Variants in ITPK1 observed in about 807,000 individuals in gnomAD.
ITPK1 encodes the protein inositol 1,3,4-trisphosphate 5/6-kinase.
Under a neutral mutation model 45.3 loss-of-function variants are expected in ITPK1, and 21 were observed. That is an observed-to-expected ratio of 0.46 (90% CI 0.33 to 0.67). The LOEUF (loss-of-function observed/expected upper bound fraction) is 0.67, where lower values mean the gene tolerates loss of function less well. Ranked by LOEUF, ITPK1 falls within the 30% of genes least tolerant of loss-of-function variation. The pLI, the probability that ITPK1 is intolerant of heterozygous loss-of-function variation, is 0.02. For missense variants in ITPK1, 474 were observed against 573.5 expected, an observed-to-expected ratio of 0.83 and a Z score of 1.77; for synonymous variants, 258 against 253.6, an observed-to-expected ratio of 1.02 and a Z score of -0.16.
intron 3 of ITPK1, among the ~76,000 whole-genome samples, chr14:93,066,522 A>G (rs978382055): frequency 1.3e-5 from 2 of 149,516 alleles, no homozygotes; most frequent in Non-Finnish European, 2.9e-5. Context: ...CTCCTGCCTC[A>G]GCCTCCTGAG....
intron 4 of ITPK1, among the ~76,000 whole-genome samples, chr14:92,999,843 C>A (rs372896543): frequency 6.6e-6 from 1 of 152,240 alleles, no homozygotes; most frequent in South Asian, 2.1e-4. Context: ...GGTTGTGCAA[C>A]GATCAGCTCA....
chr14:93,112,727 G>T (rs188462989), intron 2 of ITPK1, among the ~76,000 whole-genome samples: 1 of 152,040 alleles, frequency 6.6e-6, no homozygotes, highest in Admixed American at 6.6e-5. Flanking sequence ...CAGAAGACAC[G>T]GCACCCGGCC....
At chr14:92,990,340 T>C (rs1053858868) in intron 5 of ITPK1, among the ~76,000 whole-genome samples, 4 of 152,038 alleles carry the variant, frequency 2.6e-5, no homozygotes, top group African/African-American at 9.7e-5. Flanking sequence ...AATACAGCCA[T>C]CACCCAGGAC....
chr14:93,115,294 G>C lies in ITPK1; in HGVS notation c.-131C>G, dbSNP rs1435967469. The C allele has an allele frequency of 3.8e-6, 2 of 524,194 alleles. No homozygotes were observed. Among genetic ancestry groups the C allele is most frequent in the Admixed American group, 4.0e-5 (1 of 24,788 alleles). 32.5% of individuals were successfully genotyped at this position (524,194 alleles called of 1,614,324 possible). A position where few individuals can be genotyped will look rare whatever the true frequency, so the allele number is the denominator to read the frequency against. On this transcript the variant is annotated 5_prime_UTR_variant, in exon 2 of 11. Coordinates refer to ENST00000267615, the MANE Select transcript of ITPK1 (RefSeq NM_014216.6). ...GGACGCGGAACGGGGATCGGAGCTGGGGCGCGCAGTCCTGCCGCGCGGAGC... is the reference window on the plus strand; with the variant it reads ...GGACGCGGAACGGGGATCGGAGCTGCGGCGCGCAGTCCTGCCGCGCGGAGC...
intron 5 of ITPK1, among the ~76,000 whole-genome samples, chr14:92,979,367 G>A (rs748391649): frequency 2.0e-5 from 3 of 152,172 alleles, no homozygotes; most frequent in Non-Finnish European, 4.4e-5. Context: ...AGTTAATGCT[G>A]GAATGAGTTA....
chr14:93,000,714 C>A (rs4905026), intron 4 of ITPK1, among the ~76,000 whole-genome samples: 2,782 of 152,290 alleles, frequency 0.018, 67 homozygotes, highest in Admixed American at 0.076. Context: ...CGGTGGCTTG[C>A]GCCTGTAATC....
chr14:92,996,529 T>C (rs940565874), intron 4 of ITPK1, among the ~76,000 whole-genome samples: 2 of 150,684 alleles, frequency 1.3e-5, no homozygotes, highest in East Asian at 3.9e-4. Flanking sequence ...CATGTATACA[T>C]AGGTAACAAA....
intron 2 of ITPK1, among the ~76,000 whole-genome samples, chr14:93,107,155 A>G (rs375551038): frequency 6.6e-6 from 1 of 151,988 alleles, no homozygotes; most frequent in African/African-American, 2.4e-5. Context: ...ATAGGTATTC[A>G]CCATGTTGCC....
chr14:93,029,922 C>T lies in ITPK1; in HGVS notation c.121-13121G>A, dbSNP rs547470696. Among the ~76,000 whole-genome samples the T allele has an allele frequency of 1.5e-4, 23 of 152,304 alleles. No homozygotes were observed. In the East Asian group the frequency reaches 3.1e-3, roughly 20 times the overall value. The stretch of plus-strand genomic sequence containing the variant: ...ACATCTGACTGTCCCAAAGCTGTGG[C>T]GAGGGATGGATTTCTATCTGAGCTC... On this transcript the variant is annotated intron_variant, in intron 3 of 10. Coordinates refer to ENST00000267615, the MANE Select transcript of ITPK1 (RefSeq NM_014216.6).
intron 2 of ITPK1, among the ~76,000 whole-genome samples, chr14:93,078,082 C>T (rs182434717): frequency 1.3e-4 from 20 of 152,334 alleles, no homozygotes; most frequent in Admixed American, 5.9e-4. Context: ...CACTCCTCAA[C>T]GGCTGCTGGC....
intron 4 of ITPK1, among the ~76,000 whole-genome samples, chr14:93,005,794 GT>G (rs1400333217): frequency 6.6e-6 from 1 of 152,230 alleles, no homozygotes; most frequent in Non-Finnish European, 1.5e-5. Context: ...ACTACAGCAT[GT>G]TTCTAAAACA....
intron 2 of ITPK1, among the ~76,000 whole-genome samples, chr14:93,088,929 C>G (rs567096566): frequency 2.0e-5 from 3 of 152,244 alleles, no homozygotes; most frequent in Non-Finnish European, 4.4e-5. Flanking sequence ...TTACTCCCCA[C>G]CCAGGCCCGC....
chr14:92,957,882 G>A (rs565221384), intron 8 of ITPK1, among the ~76,000 whole-genome samples: 4 of 152,332 alleles, frequency 2.6e-5, no homozygotes, highest in South Asian at 2.1e-4. Context: ...CTGTCCCAGC[G>A]TGTTCCTCCA....
chr14:93,096,194 C>T (rs1325963766), intron 2 of ITPK1, among the ~76,000 whole-genome samples: 3 of 152,220 alleles, frequency 2.0e-5, no homozygotes, highest in Non-Finnish European at 2.9e-5. Flanking sequence ...AAACCCGCTT[C>T]CCCTGCCTGA....
chr14:92,941,857 C>G lies in ITPK1; in HGVS notation c.949G>C (p.Ala317Pro). Residue 317 changes from alanine (A) to proline (P), a missense_variant, in exon 11 of 11, where the codon GCC (alanine) becomes CCC (proline). This residue lies in a region of ITPK1 where 367 missense variants were observed against 480.6 expected (regional missense o/e 0.76). Transcript: ENST00000267615. ...EFFTDLLNHI[A>P]TVLQGQSTAM... ...GTGCTCTGGCCCTGCAGGACAGTGG[C>G]GATGTGGTTCAGGAGGTCTGTGAAG... 1 of 1,612,600 alleles carries G rather than the reference C, an allele frequency of 6.2e-7. No homozygotes were observed. Among genetic ancestry groups the G allele is most frequent in the South Asian group, 1.1e-5 (1 of 91,034 alleles).
intron 10 of ITPK1, among the ~76,000 whole-genome samples, chr14:92,944,576 C>G (rs1887591436): frequency 1.3e-5 from 2 of 152,114 alleles, no homozygotes; most frequent in African/African-American, 4.8e-5. Context: ...CCTCTCCTGT[C>G]TCCTCCCTCC....
intron 3 of ITPK1, chr14:93,071,636 G>T (rs943381122): frequency 6.6e-6 from 1 of 152,134 alleles, no homozygotes; most frequent in Non-Finnish European, 1.5e-5. Context: ...ATACCACGGC[G>T]ATTAGAGATT....
chr14:92,947,342 C>G (rs1054403751), intron 9 of ITPK1, among the ~76,000 whole-genome samples: 3 of 152,212 alleles, frequency 2.0e-5, no homozygotes, highest in Non-Finnish European at 1.5e-5. Context: ...CCTCCCAGCC[C>G]GGCACTCCCC....
At chr14:93,041,726 A>G (rs1889570777) in intron 3 of ITPK1, among the ~76,000 whole-genome samples, 1 of 152,180 alleles carries the variant, frequency 6.6e-6, no homozygotes. Context: ...CCTGAATCCC[A>G]GCACCAGGGG....
Sources: gnomAD v4.1 joint callset for allele counts (sites outside exome capture counted in the v4.1 genomes callset) on GRCh38, gnomAD v4.1.1 for gene constraint, gnomAD v4.1.1 regional missense constraint, MANE v1.5 for transcripts, NCBI Gene and HGNC (gene_info 2026-07-23, HGNC 2026-07-21) for gene names.